RPTOR: variants seen among roughly 807,000 people sequenced by gnomAD.
The protein encoded by RPTOR is regulatory associated protein of MTOR complex 1.
A neutral mutation model predicts 169.9 loss-of-function variants in RPTOR; 21 were observed. The observed-to-expected ratio is 0.12, with a 90% CI of 0.09 to 0.18. The LOEUF is 0.18. Among genes scored for constraint, RPTOR ranks in the 10% least tolerant of loss-of-function variants. RPTOR has a pLI of 1.00. For synonymous variants in RPTOR, 732 were observed against 753.2 expected, an observed-to-expected ratio of 0.97 and a Z score of 0.46; for missense variants, 1,133 against 1,855.9, an observed-to-expected ratio of 0.61 and a Z score of 7.16.
chr17:80,732,383 C>T (rs536558142), intron 5 of RPTOR, among the ~76,000 whole-genome samples: 10 of 152,206 alleles, frequency 6.6e-5, no homozygotes, highest in African/African-American at 1.2e-4. Flanking sequence ...TGCATTCCAG[C>T]GCTTTGAGCA....
rs2067400353 is a variant in RPTOR, at chr17:80,823,147, G to C, written c.1060G>C (p.Glu354Gln). The change falls in exon 9 of 34, where the codon GAA (glutamate) becomes CAA (glutamine). Residue 354 changes from glutamate (E) to glutamine (Q), a missense_variant. Physicochemically the swap from Glu to Gln is conservative, Grantham distance 29. Around this residue, in one of 9 missense-constraint regions of RPTOR, gnomAD observed 289 missense variants for 585.8 expected, o/e 0.49. Transcript: ENST00000306801. The surrounding 1 kb of genome is among the most constrained non-coding windows in gnomAD (Gnocchi z 4.5). ...ASLFRNFLLA[E>Q]RIMRSYNCTP... ...TCTGTTTCGAAATTTTTTATTGGCG[G>C]AAAGGATTATGAGGTCGTATAACTG... 6.2e-7 allele frequency: 1 copy of C among 1,614,040 alleles called. No homozygotes were observed. The highest frequency in any genetic ancestry group is 1.3e-5 in the African/African-American group (1 of 74,902).
chr17:80,599,667 G>A (rs895024770), intron 1 of RPTOR, among the ~76,000 whole-genome samples: 2 of 152,228 alleles, frequency 1.3e-5, no homozygotes, highest in South Asian at 2.1e-4. Flanking sequence ...AGGCACTGCA[G>A]ACGGTGTCCA....
At chr17:80,917,732 A>T (rs924429111) in intron 21 of RPTOR, among the ~76,000 whole-genome samples, 1 of 152,112 alleles carries the variant, frequency 6.6e-6, no homozygotes, top group South Asian at 2.1e-4. Context: ...TGAGACAGAC[A>T]GTTCTCTGTT....
intron 6 of RPTOR, among the ~76,000 whole-genome samples, chr17:80,779,082 C>T (rs893860581): frequency 2.6e-5 from 4 of 152,208 alleles, no homozygotes; most frequent in African/African-American, 9.6e-5. Flanking sequence ...GATACAGAAA[C>T]ACAGCCGTGG....
At chr17:80,812,711 T>C (rs2067285533) in intron 7 of RPTOR, among the ~76,000 whole-genome samples, 1 of 152,238 alleles carries the variant, frequency 6.6e-6, no homozygotes, top group Admixed American at 6.5e-5. Context: ...TCCTTGCTTC[T>C]AAAATATTCC....
chr17:80,918,523 G>A (rs9903928), intron 21 of RPTOR, among the ~76,000 whole-genome samples: 1 of 47,786 alleles, frequency 2.1e-5, no homozygotes, highest in African/African-American at 7.1e-5. Context: ...GCACCCTCGC[G>A]GGGGTCATAG....
intron 1 of RPTOR, among the ~76,000 whole-genome samples, chr17:80,605,237 T>G (rs2065220158): frequency 6.6e-6 from 1 of 152,236 alleles, no homozygotes; most frequent in Non-Finnish European, 1.5e-5. Context: ...AAAGGCTGTT[T>G]CGTTGAACTC....
At chr17:80,741,803 T>TG (rs1412891642) in intron 5 of RPTOR, among the ~76,000 whole-genome samples, 25 of 152,210 alleles carry the variant, frequency 1.6e-4, no homozygotes, top group African/African-American at 6.0e-4. Context: ...TTCGTGTGGC[T>TG]GGAGAGGAGA....
At chr17:80,634,151 GTACTGTGTGTGTGTGCA>G (rs2065464232) in intron 2 of RPTOR, among the ~76,000 whole-genome samples, 2 of 119,026 alleles carry the variant, frequency 1.7e-5, no homozygotes, top group African/African-American at 4.5e-5. Context: ...GTGCGTGTGC[GTACTGTGTGTGTGTGCA>G]TACTGTGTGT....
chr17:80,701,332 C>G (rs557752576), intron 3 of RPTOR, among the ~76,000 whole-genome samples: 64 of 152,294 alleles, frequency 4.2e-4, no homozygotes, highest in Middle Eastern at 3.4e-3. Context: ...ATGCTCATTC[C>G]ATATCAACCG....
At position 80,900,829 on chromosome 17, in the gene RPTOR, C is replaced by A. The variant is rs892551815; in HGVS notation, c.2401+6964C>A. Among the ~76,000 whole-genome samples, 10 of 152,356 alleles carry A rather than the reference C, an allele frequency of 6.6e-5. 1 individual carries two copies. Among genetic ancestry groups the A allele is most frequent in the African/African-American group, 2.4e-4 (10 of 41,582 alleles). ...TGGCCTGCAAGTGTGCAGAACCGCA[C>A]CTTTTGTTGATCCAGGAAGCTCAAG... On this transcript the variant is annotated intron_variant, in intron 20 of 33. Transcript: ENST00000306801.
chr17:80,921,262 G>A (rs948098505), intron 21 of RPTOR, among the ~76,000 whole-genome samples: 7 of 152,234 alleles, frequency 4.6e-5, no homozygotes, highest in African/African-American at 7.2e-5. Context: ...GGGATGGGCC[G>A]GCGCTCAGGG....
intron 5 of RPTOR, among the ~76,000 whole-genome samples, chr17:80,753,632 CA>C (rs35693819): frequency 0.19 from 17,693 of 94,390 alleles, 1,074 homozygotes; most frequent in Middle Eastern, 0.24. Flanking sequence ...AACTCCGTCT[CA>C]AAAAAAAAAA....
intron 6 of RPTOR, among the ~76,000 whole-genome samples, chr17:80,761,272 A>ATGTC (rs1434723279): frequency 2.6e-5 from 4 of 152,320 alleles, no homozygotes; most frequent in African/African-American, 9.6e-5. Context: ...AAACAGATTG[A>ATGTC]TGTCTATTGC....
At chr17:80,724,566 T>G (rs112726446) in intron 4 of RPTOR, among the ~76,000 whole-genome samples, 40 of 152,160 alleles carry the variant, frequency 2.6e-4, no homozygotes, top group Non-Finnish European at 2.9e-4. Flanking sequence ...TCCACAGAGA[T>G]GCTTGCGAGT....
chr17:80,685,627 A>ATATATATATATATATTTTTT (rs1269766086), intron 3 of RPTOR, among the ~76,000 whole-genome samples: 1 of 30,686 alleles, frequency 3.3e-5, no homozygotes, highest in Non-Finnish European at 5.4e-5. Flanking sequence ...ATATATATAT[A>ATATATATATATATATTTTTT]TTTTTTTTTT....
chr17:80,720,600 A>G (rs1348904772), intron 4 of RPTOR, among the ~76,000 whole-genome samples: 2 of 152,220 alleles, frequency 1.3e-5, no homozygotes, highest in Non-Finnish European at 2.9e-5. Flanking sequence ...TTAAACTTTA[A>G]CAAACAAATG....
chr17:80,894,034 GC>G (rs1378715121), intron 20 of RPTOR, among the ~76,000 whole-genome samples, 169 bp downstream of exon 20: 2 of 152,220 alleles, frequency 1.3e-5, no homozygotes, highest in African/African-American at 4.8e-5. Context: ...TTTTGCTGGG[GC>G]AAGCGGGAAA....
intron 6 of RPTOR, among the ~76,000 whole-genome samples, chr17:80,782,332 G>A (rs2066949381): frequency 6.6e-6 from 1 of 152,136 alleles, no homozygotes; most frequent in African/African-American, 2.4e-5. Context: ...AGATATAATG[G>A]TGGGTCATTT....
Sources: gnomAD v4.1 joint callset for allele counts (sites outside exome capture counted in the v4.1 genomes callset) on GRCh38, gnomAD v4.1.1 for gene constraint, gnomAD v4.1.1 regional missense constraint, Gnocchi (gnomAD v3.1) non-coding constraint, MANE v1.5 for transcripts, NCBI Gene and HGNC (gene_info 2026-07-23, HGNC 2026-07-21) for gene names.